PTK2B: variants seen among roughly 807,000 people sequenced by gnomAD.
The protein encoded by PTK2B is protein tyrosine kinase 2 beta.
PTK2B carries 71 observed loss-of-function variants against 142.9 expected under a neutral mutation model. The ratio of observed to expected loss-of-function variants is 0.50; its 90% CI spans 0.41 to 0.61. The LOEUF (loss-of-function observed/expected upper bound fraction) is 0.61, where lower values mean the gene tolerates loss of function less well. PTK2B is among the 20% of genes least tolerant of loss of function. PTK2B has a pLI of 0.00. For synonymous variants in PTK2B, 519 were observed against 503.4 expected (o/e 1.03, Z -0.42); for missense variants, 1,105 against 1,320.4 (o/e 0.84, Z 2.53).
chr8:27,455,680 C>T (rs1812102719), intron 30 of PTK2B, among the ~76,000 whole-genome samples: 2 of 152,360 alleles, frequency 1.3e-5, no homozygotes, highest in South Asian at 4.1e-4. Context: ...GGCAAGTCTC[C>T]TCTGTAGCCT....
At chr8:27,382,322 GTTGT>G (rs1248035667) in intron 1 of PTK2B, among the ~76,000 whole-genome samples, 2 of 152,114 alleles carry the variant, frequency 1.3e-5, no homozygotes, top group South Asian at 4.1e-4. Context: ...TTACCATTGA[GTTGT>G]TTGAGTTCCT....
intron 2 of PTK2B, among the ~76,000 whole-genome samples, chr8:27,411,306 C>T (rs972272402): frequency 6.6e-6 from 1 of 152,028 alleles, no homozygotes; most frequent in African/African-American, 2.4e-5. Flanking sequence ...AGGCAGGGCT[C>T]GTGCAAGAGC....
intron 1 of PTK2B, among the ~76,000 whole-genome samples, chr8:27,341,520 C>G (rs769358302): frequency 5.9e-5 from 9 of 152,154 alleles, no homozygotes; most frequent in Non-Finnish European, 1.3e-4. Context: ...GAGTGGAGGA[C>G]TCCCTGGCCC....
chr8:27,404,718 T>C (rs1374774347), intron 2 of PTK2B, among the ~76,000 whole-genome samples: 1 of 152,196 alleles, frequency 6.6e-6, no homozygotes, highest in Non-Finnish European at 1.5e-5. Flanking sequence ...CAGAACCCAT[T>C]GACTTTCCCC....
intron 1 of PTK2B, among the ~76,000 whole-genome samples, chr8:27,391,972 G>A (rs377198123): frequency 2.0e-5 from 3 of 152,170 alleles, no homozygotes; most frequent in Non-Finnish European, 2.9e-5. Context: ...CTGCTCCGAC[G>A]GTCTGGGGCA....
intron 2 of PTK2B, among the ~76,000 whole-genome samples, chr8:27,412,269 C>A (rs898754683): frequency 6.6e-6 from 1 of 152,188 alleles, no homozygotes; most frequent in Non-Finnish European, 1.5e-5. Flanking sequence ...CTCAAAGCTT[C>A]AACTCTCTGA....
chr8:27,442,779 AGGCCTCTCTG>A, intron 21 of PTK2B, 86 bp from the exon 22 acceptor site: 1 of 1,053,720 alleles, frequency 9.5e-7, no homozygotes, highest in Non-Finnish European at 1.4e-6. Context: ...AACCTTGCCC[AGGCCTCTCTG>A]GGCCTCCACG....
chr8:27,350,988 AAAATATATATATAT>A lies in PTK2B; in HGVS notation c.-38+25309_-38+25322del, dbSNP rs1464462887. ...AAGTCTCCGTCTCAAAAAAAAAAAAAAAATATATATATATATATATATATATATATATATATATA... is the reference window on the plus strand; with the variant it reads ...AAGTCTCCGTCTCAAAAAAAAAAAAAATATATATATATATATATATATATA... On this transcript the variant is annotated intron_variant, in intron 1 of 30. Coordinates refer to ENST00000346049, the MANE Select transcript of PTK2B (RefSeq NM_173176.3). Among the ~76,000 whole-genome samples, 29 of 16,210 alleles carry A rather than the reference AAAATATATATATAT, an allele frequency of 1.8e-3. 7 individuals are homozygous for A. The highest frequency in any genetic ancestry group is 2.0e-3 in the African/African-American group (9 of 4,578). 10.6% of individuals were successfully genotyped at this position (16,210 alleles called of 152,430 possible).
At chr8:27,328,145 A>G (rs1305429107) in intron 1 of PTK2B, among the ~76,000 whole-genome samples, 1 of 152,094 alleles carries the variant, frequency 6.6e-6, no homozygotes, top group East Asian at 1.9e-4. Flanking sequence ...GAGATATAAC[A>G]CTCTTCTTGA....
chr8:27,442,507 C>A (rs555778550), intron 21 of PTK2B, among the ~76,000 whole-genome samples: 1 of 152,306 alleles, frequency 6.6e-6, no homozygotes, highest in East Asian at 1.9e-4. Flanking sequence ...ATGAAGTTGG[C>A]TGGGACTTTG....
At chr8:27,444,403 T>A in intron 23 of PTK2B, 132 bp downstream of exon 23, 1 of 955,272 alleles carries the variant, frequency 1.0e-6, no homozygotes, top group Non-Finnish European at 1.6e-6. Flanking sequence ...GACTCTTCTT[T>A]GGCACCCAGA....
At chr8:27,418,288 C>A (rs575478871) in intron 2 of PTK2B, among the ~76,000 whole-genome samples, 227 of 152,360 alleles carry the variant, frequency 1.5e-3, no homozygotes, top group Non-Finnish European at 2.6e-3. Flanking sequence ...TAGCCCGAGA[C>A]AGATGGGTGC....
At chr8:27,324,686 T>C (rs1244630272), upstream of PTK2B, among the ~76,000 whole-genome samples, 2 of 152,208 alleles carry the variant, frequency 1.3e-5, no homozygotes, top group African/African-American at 2.4e-5. Flanking sequence ...ATTCCAATCC[T>C]GCACAGGACA....
intron 5 of PTK2B, among the ~76,000 whole-genome samples, chr8:27,429,152 A>G (rs1810259810): frequency 6.6e-6 from 1 of 152,122 alleles, no homozygotes; most frequent in South Asian, 2.1e-4. Context: ...TGATTTGCCC[A>G]CCTCGGCCTC....
intron 1 of PTK2B, among the ~76,000 whole-genome samples, chr8:27,327,110 G>A (rs1389162612): frequency 6.6e-6 from 1 of 152,202 alleles, no homozygotes; most frequent in Non-Finnish European, 1.5e-5. Context: ...AACAGCAAGT[G>A]CAGAGACTGG....
intron 24 of PTK2B, among the ~76,000 whole-genome samples, chr8:27,446,758 T>G (rs551719009): frequency 6.6e-6 from 1 of 152,342 alleles, no homozygotes; most frequent in South Asian, 2.1e-4. Context: ...AATTAGATGT[T>G]TATCATAATA....
chr8:27,327,696 T>C (rs1171164121), intron 1 of PTK2B, among the ~76,000 whole-genome samples: 2 of 152,214 alleles, frequency 1.3e-5, no homozygotes, highest in African/African-American at 2.4e-5. Context: ...AGTTTATTCA[T>C]CTATACAGGT....
chr8:27,439,086 G>T lies in PTK2B; in HGVS notation c.1699G>T (p.Asp567Tyr). The T allele has an allele frequency of 1.9e-6, 3 of 1,614,100 alleles. No homozygotes were observed. The highest frequency in any genetic ancestry group is 1.7e-6 in the Non-Finnish European group (2 of 1,179,970). Residue 567 changes from aspartate to tyrosine, a missense_variant, in exon 19 of 31, where the codon GAC (aspartate) becomes TAC (tyrosine). Coordinates refer to ENST00000346049, the MANE Select transcript of PTK2B (RefSeq NM_173176.3). ...CTCCCCTGAGTGTGTGAAGCTGGGGGACTTTGGTCTTTCCCGGTACATTGA... is the reference window on the plus strand; with the variant it reads ...CTCCCCTGAGTGTGTGAAGCTGGGGTACTTTGGTCTTTCCCGGTACATTGA... ...VASPECVKLG[D>Y]FGLSRYIEDE... is the part of the protein sequence containing the mutation.
At chr8:27,324,942 G>A (rs1272011420), upstream of PTK2B, among the ~76,000 whole-genome samples, 2 of 152,194 alleles carry the variant, frequency 1.3e-5, no homozygotes, top group Non-Finnish European at 2.9e-5. Flanking sequence ...CCTGGAAGGG[G>A]CTGTCCAGCA....
Sources: gnomAD v4.1 joint callset for allele counts (sites outside exome capture counted in the v4.1 genomes callset) on GRCh38, gnomAD v4.1.1 for gene constraint, MANE v1.5 for transcripts, NCBI Gene and HGNC (gene_info 2026-07-23, HGNC 2026-07-21) for gene names.